PDE3A: variants seen among roughly 807,000 people sequenced by gnomAD.
PDE3A encodes the protein cGMP-inhibited 3',5'-cyclic phosphodiesterase 3A.
Under a neutral mutation model 98.3 loss-of-function variants are expected in PDE3A, and 43 were observed. That is an observed-to-expected ratio of 0.44 (90% confidence interval 0.34 to 0.56). PDE3A has a LOEUF of 0.56. PDE3A is among the 20% of genes least tolerant of loss of function. The pLI is 0.01. For synonymous variants in PDE3A, 663 were observed against 567.9 expected (o/e 1.17, Z -2.38); for missense variants, 1,427 against 1,440.7 (o/e 0.99, Z 0.15).
At chr12:20,500,246 A>G (rs1945997222) in intron 1 of PDE3A, among the ~76,000 whole-genome samples, 1 of 152,216 alleles carries the variant, frequency 6.6e-6, no homozygotes, top group African/African-American at 2.4e-5. Context: ...GTTCTTGAAA[A>G]GAGAACTCAG....
chr12:20,478,099 T>G (rs1220004519), intron 1 of PDE3A, among the ~76,000 whole-genome samples: 1 of 152,208 alleles, frequency 6.6e-6, no homozygotes, highest in East Asian at 1.9e-4. Flanking sequence ...ACAATTACAG[T>G]ATTTATAATA....
intron 15 of PDE3A, among the ~76,000 whole-genome samples, chr12:20,674,521 T>C (rs1945581994): frequency 2.0e-5 from 3 of 152,212 alleles, no homozygotes; most frequent in Non-Finnish European, 4.4e-5. Flanking sequence ...TATCAAATGC[T>C]TTTTCTGCAT....
At chr12:20,561,338 G>A (rs1262570086) in intron 2 of PDE3A, among the ~76,000 whole-genome samples, 1 of 152,050 alleles carries the variant, frequency 6.6e-6, no homozygotes, top group Non-Finnish European at 1.5e-5. Context: ...ATTATGAACC[G>A]ATTGACTTCA....
At chr12:20,386,527 G>C (rs909431391) in intron 1 of PDE3A, among the ~76,000 whole-genome samples, 1 of 151,400 alleles carries the variant, frequency 6.6e-6, no homozygotes, top group Non-Finnish European at 1.5e-5. Flanking sequence ...TTCTGGTAGA[G>C]TTGGGGTTTC....
At chr12:20,679,882 T>G (rs923674458) in intron 15 of PDE3A, 148 bp from the exon 16 acceptor site, 1 of 111,498 alleles carries the variant, frequency 9.0e-6, no homozygotes, top group Admixed American at 1.3e-4. Flanking sequence ...ATATATATAT[T>G]ATATATATAA....
At chr12:20,410,865 A>G (rs569986051) in intron 1 of PDE3A, among the ~76,000 whole-genome samples, 62 of 152,338 alleles carry the variant, frequency 4.1e-4, no homozygotes, top group African/African-American at 1.1e-3. Flanking sequence ...TGGTGGCACT[A>G]AAATAAAAGC....
At chr12:20,446,460 T>C (rs1224385947) in intron 1 of PDE3A, among the ~76,000 whole-genome samples, 1 of 152,178 alleles carries the variant, frequency 6.6e-6, no homozygotes, top group East Asian at 1.9e-4. Context: ...AGGCTGATCC[T>C]TAGAGGTAAT....
intron 1 of PDE3A, among the ~76,000 whole-genome samples, chr12:20,428,511 G>C (rs964315275): frequency 7.2e-5 from 11 of 152,138 alleles, no homozygotes; most frequent in African/African-American, 2.6e-4. Context: ...TCAATCTCCT[G>C]ACCTCGTGAT....
chr12:20,655,259 A>G (rs926770850), intron 15 of PDE3A, among the ~76,000 whole-genome samples: 2 of 152,180 alleles, frequency 1.3e-5, no homozygotes, highest in African/African-American at 4.8e-5. Context: ...GCAGGGAAAG[A>G]TTTGTAAAAA....
chr12:20,604,202 AGAGAAGAGGGGAGGG>A (rs1449858536), intron 2 of PDE3A, among the ~76,000 whole-genome samples: 6 of 144,998 alleles, frequency 4.1e-5, no homozygotes, highest in Admixed American at 1.4e-4. Context: ...AAAGGAGAGG[AGAGAAGAGGGGAGGG>A]GAGGAGAGGG....
intron 1 of PDE3A, among the ~76,000 whole-genome samples, chr12:20,515,890 GC>G (rs1565574362): frequency 3.3e-5 from 5 of 149,960 alleles, no homozygotes; most frequent in African/African-American, 1.2e-4. Flanking sequence ...CTGCCACTAC[GC>G]CCGGCTAATT....
chr12:20,379,108 A>G (rs1943620242), intron 1 of PDE3A, among the ~76,000 whole-genome samples: 1 of 151,912 alleles, frequency 6.6e-6, no homozygotes, highest in Non-Finnish European at 1.5e-5. Context: ...CCTCCTCTCC[A>G]GGTATAAACC....
intron 1 of PDE3A, among the ~76,000 whole-genome samples, chr12:20,373,754 T>C (rs1308910984): frequency 1.3e-5 from 2 of 152,176 alleles, no homozygotes; most frequent in East Asian, 3.9e-4. Flanking sequence ...ATCATCCATT[T>C]TGATCTTAGT....
intron 1 of PDE3A, among the ~76,000 whole-genome samples, chr12:20,409,663 A>T (rs1944298697): frequency 6.6e-6 from 1 of 152,148 alleles, no homozygotes; most frequent in Non-Finnish European, 1.5e-5. Flanking sequence ...CCAGATAATG[A>T]TTTTTTAATA....
chr12:20,439,778 T>C (rs1206437038), intron 1 of PDE3A, among the ~76,000 whole-genome samples: 1 of 152,164 alleles, frequency 6.6e-6, no homozygotes, highest in Non-Finnish European at 1.5e-5. Flanking sequence ...GACACCCTCC[T>C]CTCACCCCAC....
chr12:20,475,006 C>G (rs1945504285), intron 1 of PDE3A, among the ~76,000 whole-genome samples: 1 of 151,858 alleles, frequency 6.6e-6, no homozygotes, highest in Non-Finnish European at 1.5e-5. Flanking sequence ...AGTGCTGTGA[C>G]TGTTGAATCT....
intron 1 of PDE3A, among the ~76,000 whole-genome samples, chr12:20,498,825 T>C (rs1316225500): frequency 6.6e-6 from 1 of 152,152 alleles, no homozygotes; most frequent in Non-Finnish European, 1.5e-5. Flanking sequence ...TCTTTTCCTG[T>C]TTTTCTTTTT....
chr12:20,687,336 A>G lies in PDE3A; in HGVS notation c.*7065A>G, dbSNP rs982795971. ...TATAAGGATAATTTAGTATTATAGT[A>G]TTGCTAACTTTAATAATTCTACCAT... On this transcript the variant is annotated 3_prime_UTR_variant, in exon 16 of 16. Transcript: ENST00000359062. Among the ~76,000 whole-genome samples the G allele has an allele frequency of 2.0e-5, 3 of 152,010 alleles. No homozygotes were observed. The highest frequency in any genetic ancestry group is 7.2e-5 in the African/African-American group (3 of 41,412).
At position 20,561,932 on chromosome 12, in the gene PDE3A, G is replaced by T. The variant is rs540923991; in HGVS notation, c.1011+5222G>T. On this transcript the variant is annotated intron_variant, in intron 2 of 15. Coordinates refer to ENST00000359062, the MANE Select transcript of PDE3A (RefSeq NM_000921.5). Reference sequence around the variant, plus strand: ...TCTCAGTAATTCTCTTTCATAATTTGTCAGCTCACTCATAGCTTTCTGGCT... The same window carrying T: ...TCTCAGTAATTCTCTTTCATAATTTTTCAGCTCACTCATAGCTTTCTGGCT... Among the ~76,000 whole-genome samples the T allele has an allele frequency of 2.6e-5, 4 of 152,174 alleles. No homozygotes were observed. The East Asian group carries it at 7.7e-4, about 29-fold the overall frequency.
Sources: gnomAD v4.1 joint callset for allele counts (sites outside exome capture counted in the v4.1 genomes callset) on GRCh38, gnomAD v4.1.1 for gene constraint, MANE v1.5 for transcripts, NCBI Gene and HGNC (gene_info 2026-07-23, HGNC 2026-07-21) for gene names.